EDRF1: variants seen among roughly 807,000 people sequenced by gnomAD.
EDRF1 encodes erythroid differentiation-related factor 1.
A neutral mutation model predicts 148.7 loss-of-function variants in EDRF1; 69 were observed. That is an observed-to-expected ratio of 0.46 (90% confidence interval 0.38 to 0.57). The LOEUF (loss-of-function observed/expected upper bound fraction) is 0.57. Among genes scored for constraint, EDRF1 ranks in the 20% least tolerant of loss-of-function variants. The probability of loss-of-function intolerance (pLI) is 0.00; values close to 1 mark genes in which losing one functional copy is unlikely to be tolerated. For synonymous variants in EDRF1, 515 were observed against 532.8 expected (o/e 0.97, Z 0.46); for missense variants, 1,118 against 1,478.7 (o/e 0.76, Z 4.00).
chr10:125,741,306 T>C (rs1849005481), intron 17 of EDRF1, 105 bp downstream of exon 17: 1 of 1,055,888 alleles, frequency 9.5e-7, no homozygotes, highest in Non-Finnish European at 1.4e-6. Context: ...AGTTTTGATA[T>C]TTGCTCTGTA....
intron 9 of EDRF1, 74 bp downstream of exon 9, chr10:125,730,473 G>A (rs909653200): frequency 8.1e-5 from 98 of 1,208,488 alleles, no homozygotes; most frequent in Admixed American, 8.5e-5. Flanking sequence ...AAGTCTTTAC[G>A]GCCCTGAAGT....
At chr10:125,755,070 C>G (rs559353908) in intron 24 of EDRF1, among the ~76,000 whole-genome samples, 1 of 152,358 alleles carries the variant, frequency 6.6e-6, no homozygotes, top group South Asian at 2.1e-4. Context: ...CCCCTGCCCC[C>G]AATTCCTCAG....
intron 2 of EDRF1, among the ~76,000 whole-genome samples, chr10:125,722,048 A>G (rs1162120114): frequency 1.3e-5 from 2 of 152,248 alleles, no homozygotes; most frequent in Non-Finnish European, 2.9e-5. Context: ...GCACAAATAC[A>G]CTAATACTTT....
chr10:125,728,466 A>G (rs1210981995), intron 6 of EDRF1, among the ~76,000 whole-genome samples: 1 of 152,152 alleles, frequency 6.6e-6, no homozygotes, highest in African/African-American at 2.4e-5. Context: ...AGGAAATGCT[A>G]AACTGGAGAC....
chr10:125,755,150 C>T (rs1022575419), intron 24 of EDRF1, among the ~76,000 whole-genome samples: 1 of 152,164 alleles, frequency 6.6e-6, no homozygotes, highest in Non-Finnish European at 1.5e-5. Context: ...TTGTAGAGGC[C>T]TTTATCAAGT....
At chr10:125,729,177 C>G in intron 7 of EDRF1, 73 bp downstream of exon 7, 6 of 1,482,380 alleles carry the variant, frequency 4.0e-6, no homozygotes, top group Non-Finnish European at 5.5e-6. Context: ...TAGCCTAAGT[C>G]GAAATTGATA....
At chr10:125,740,035 G>A (rs1848931361) in intron 15 of EDRF1, among the ~76,000 whole-genome samples, 1 of 152,208 alleles carries the variant, frequency 6.6e-6, no homozygotes, top group African/African-American at 2.4e-5. Context: ...ATGGGTAGTA[G>A]GATGGACAAG....
chr10:125,742,948 C>A, intron 17 of EDRF1, 110 bp from the exon 18 acceptor site: 1 of 1,504,628 alleles, frequency 6.6e-7, no homozygotes, highest in Non-Finnish European at 9.0e-7. Context: ...GGTATACTTA[C>A]ACTATATTGC....
chr10:125,761,243 C>T (rs1850179774), intron 24 of EDRF1: 1 of 407,472 alleles, frequency 2.5e-6, no homozygotes, highest in African/African-American at 2.1e-5. Context: ...GCAGGCATTT[C>T]ATCATCATAT....
intron 24 of EDRF1, among the ~76,000 whole-genome samples, chr10:125,756,447 T>G (rs1026492965): frequency 1.7e-4 from 26 of 152,246 alleles, no homozygotes; most frequent in Admixed American, 1.2e-3. Context: ...TCAGTTAGGT[T>G]AAGCGTGTTC....
At chr10:125,752,947 G>A (rs1849713012) in intron 23 of EDRF1, 33 bp downstream of exon 23, 5 of 1,490,340 alleles carry the variant, frequency 3.4e-6, no homozygotes, top group Non-Finnish European at 4.7e-6. Context: ...TTTGGTTTTT[G>A]TGTGTCTTAA....
rs1849449844 is a variant in EDRF1 at position 125,747,964 on chromosome 10, C to T, written c.3075C>T (p.Thr1025=). 1 of 1,614,206 alleles carries T rather than the reference C, an allele frequency of 6.2e-7. No homozygotes were observed. Among genetic ancestry groups the T allele is most frequent in the Non-Finnish European group, 8.5e-7 (1 of 1,180,034 alleles). Residue 1025 remains threonine (T), a synonymous_variant, in exon 21 of 25, where the codon ACC becomes ACT. Transcript: ENST00000356792. The part of the protein sequence containing the change: ...RQPLCQYRAA[T]IHHRLASMYH... ...CCCTTTGTCAGTATCGAGCTGCAAC[C>T]ATCCATCACAGGCTGGCCTCCATGT...
intron 9 of EDRF1, among the ~76,000 whole-genome samples, chr10:125,731,565 T>G (rs774046985): frequency 2.0e-5 from 3 of 152,226 alleles, no homozygotes; most frequent in Non-Finnish European, 2.9e-5. Flanking sequence ...AATGTTGAGC[T>G]AAGGAGTATG....
At chr10:125,745,525 A>G (rs1441107173) in intron 18 of EDRF1, 182 bp from the exon 19 acceptor site, 3 of 645,612 alleles carry the variant, frequency 4.6e-6, no homozygotes, top group African/African-American at 3.6e-5. Context: ...ATGAACTCAT[A>G]TGGACACGTT....
At chr10:125,748,144 G>A in intron 21 of EDRF1, 132 bp downstream of exon 21, 6 of 1,084,912 alleles carry the variant, frequency 5.5e-6, no homozygotes, top group Non-Finnish European at 8.3e-6. Context: ...TAAATTTTCT[G>A]CTGCGTCTGT....
intron 6 of EDRF1, among the ~76,000 whole-genome samples, chr10:125,726,312 A>T (rs1356269727): frequency 6.6e-6 from 1 of 152,226 alleles, no homozygotes; most frequent in Admixed American, 6.5e-5. Flanking sequence ...TCAGATTGTT[A>T]GACCTAAAAT....
chr10:125,753,230 C>G (rs991352895), intron 23 of EDRF1, among the ~76,000 whole-genome samples: 1 of 152,192 alleles, frequency 6.6e-6, no homozygotes, highest in Admixed American at 6.5e-5. Flanking sequence ...AAAGAAAAGG[C>G]CTGTGCCCTC....
chr10:125,734,029 A>G (rs547925346), intron 11 of EDRF1, 43 bp from the exon 12 acceptor site: 6 of 1,475,580 alleles, frequency 4.1e-6, no homozygotes, highest in African/African-American at 1.4e-5. Flanking sequence ...CTTGCAGACA[A>G]CGATGAAATG....
At position 125,763,322 on chromosome 10, in the gene EDRF1, A is replaced by G. The variant is rs1850270438; in HGVS notation, c.3567A>G (p.Thr1189=). The G allele has an allele frequency of 1.9e-6, 3 of 1,613,366 alleles. No individual in the cohort carries two copies. Among genetic ancestry groups the G allele is most frequent in the African/African-American group, 2.7e-5 (2 of 75,060 alleles). Residue 1189 remains threonine, a synonymous_variant, in exon 25 of 25, where the codon ACA becomes ACG. Coordinates refer to ENST00000356792, the MANE Select transcript of EDRF1 (RefSeq NM_001202438.2). This position sits in a 1 kb window ranked among gnomAD's most constrained non-coding sequence, Gnocchi z 4.3. ...KKTSNNIEDD[T]ILKTNKHIYS... ...CTAGCAATAACATCGAAGATGACAC[A>G]ATTCTCAAAACCAACAAGCACATTT... is the stretch of plus-strand genomic sequence containing the variant.
Sources: allele counts gnomAD v4.1 joint callset (sites outside exome capture counted in the v4.1 genomes callset), GRCh38; gene constraint gnomAD v4.1.1; non-coding constraint Gnocchi (gnomAD v3.1); transcripts MANE v1.5; gene names NCBI Gene and HGNC (gene_info 2026-07-23, HGNC 2026-07-21).